USP38: variants seen among roughly 807,000 people sequenced by gnomAD.
USP38 encodes the protein ubiquitin carboxyl-terminal hydrolase 38.
Under a neutral mutation model 94.3 loss-of-function variants are expected in USP38, and 49 were observed. The observed-to-expected ratio is 0.52, with a 90% CI of 0.41 to 0.66. The LOEUF (loss-of-function observed/expected upper bound fraction) is 0.66. USP38 is among the 30% of genes least tolerant of loss of function. The pLI, the probability that USP38 is intolerant of heterozygous loss-of-function variation, is 0.00. For synonymous variants in USP38, 468 were observed against 463.6 expected, an observed-to-expected ratio of 1.01 and a Z score of -0.12; for missense variants, 1,128 against 1,229.4, an observed-to-expected ratio of 0.92 and a Z score of 1.23.
At chr4:143,195,353 T>TA (rs1448649100) in intron 2 of USP38, among the ~76,000 whole-genome samples, 32 of 152,304 alleles carry the variant, frequency 2.1e-4, no homozygotes, top group African/African-American at 7.5e-4. Flanking sequence ...AGCCAGTAAA[T>TA]ATGTAATGCA....
rs866300738 is a variant in USP38, at chr4:143,185,207, C to T, written c.-244C>T. 3 of 459,676 alleles carry T rather than the reference C, an allele frequency of 6.5e-6. No homozygotes were observed. The highest frequency in any genetic ancestry group is 3.5e-5 in the South Asian group (1 of 28,718). The allele number at this position is 459,676 out of a possible 1,614,324, so 28.5% of individuals were successfully genotyped here. A position where few individuals can be genotyped will look rare whatever the true frequency, so the allele number is the denominator to read the frequency against. On this transcript the variant is annotated 5_prime_UTR_variant, in exon 1 of 10. Transcript: ENST00000307017. ...CGGGGCGGCGGCGGAGTACGGGCCT[C>T]TGGCGCCTTAGGCCAGCCGCAGGTG...
rs768913524 is a variant in USP38, at chr4:143,185,684, C to T, written c.234C>T (p.Ser78=). The T allele has an allele frequency of 3.7e-6, 6 of 1,614,172 alleles. No homozygotes were observed. The highest frequency in any genetic ancestry group is 4.5e-5 in the East Asian group (2 of 44,864). The change falls in exon 1 of 10, where the codon TCC becomes TCT. Residue 78 remains serine, a synonymous_variant. Transcript: ENST00000307017. The part of the protein sequence containing the change: ...YARYHRPEFE[S]FFNKTFVLGL... Reference sequence around the variant, plus strand: ...GATACCACCGGCCAGAGTTCGAGTCCTTCTTCAACAAGACCTTCGTGTTGG... The same window carrying T: ...GATACCACCGGCCAGAGTTCGAGTCTTTCTTCAACAAGACCTTCGTGTTGG...
At chr4:143,204,758 C>T (rs549246098) in intron 5 of USP38, among the ~76,000 whole-genome samples, 2 of 152,252 alleles carry the variant, frequency 1.3e-5, no homozygotes, top group South Asian at 4.2e-4. Context: ...ACTGCATAAT[C>T]AGTGTATAGC....
chr4:143,216,374 C>T (rs1393028998), intron 9 of USP38, among the ~76,000 whole-genome samples: 1 of 151,960 alleles, frequency 6.6e-6, no homozygotes, highest in African/African-American at 2.4e-5. Context: ...AAGATACCAC[C>T]AAATTTTATA....
At chr4:143,213,065 A>T (rs1732070786) in intron 8 of USP38, among the ~76,000 whole-genome samples, 1 of 151,786 alleles carries the variant, frequency 6.6e-6, no homozygotes, top group South Asian at 2.1e-4. Flanking sequence ...TTTAAGAACC[A>T]CTCCTTTAGA....
intron 4 of USP38, among the ~76,000 whole-genome samples, chr4:143,198,585 A>G (rs1731622227): frequency 6.6e-6 from 1 of 152,208 alleles, no homozygotes; most frequent in African/African-American, 2.4e-5. Flanking sequence ...GAAAAATCTT[A>G]GGAATACTGA....
In USP38 at chr4:143,185,482, C is replaced by T. The variant is rs1731188748; in HGVS notation, c.32C>T (p.Ser11Phe). The change falls in exon 1 of 10, where the codon TCC (serine) becomes TTC (phenylalanine). Residue 11 changes from serine (S) to phenylalanine (F), a missense_variant. By Grantham distance (155) the Ser-to-Phe change is radical. Coordinates refer to ENST00000307017, the MANE Select transcript of USP38 (RefSeq NM_032557.6). ...AAGATCCTGGAGGGCCTTGTGAGTT[C>T]CTCGCATCCCCTGCCCCTCAAGCGG... The part of the protein sequence containing the change: MDKILEGLVS[S>F]SHPLPLKRVI... The T allele has an allele frequency of 1.2e-6, 2 of 1,601,902 alleles. No individual in the cohort carries two copies. Among genetic ancestry groups the T allele is most frequent in the Admixed American group, 1.7e-5 (1 of 59,290 alleles).
intron 5 of USP38, 150 bp from the exon 6 acceptor site, chr4:143,205,883 G>T: frequency 1.9e-6 from 1 of 517,134 alleles, no homozygotes; most frequent in Non-Finnish European, 3.3e-6. Flanking sequence ...TTCATGACTA[G>T]CCAAGTACTG....
chr4:143,206,644 C>T (rs190150067), intron 6 of USP38, among the ~76,000 whole-genome samples: 16 of 152,098 alleles, frequency 1.1e-4, no homozygotes, highest in Non-Finnish European at 2.1e-4. Context: ...GAGCCAAGAT[C>T]GTGCTGTTGC....
rs548475860 is a variant in USP38, at chr4:143,208,851, T to A, written c.1404-713T>A. ...CTTTACCCTCTAAATTTCTTGTTTC[T>A]TTATTTTAAGTACTTCAGTAGTTTT... is the stretch of plus-strand genomic sequence containing the variant. On this transcript the variant is annotated intron_variant, in intron 6 of 9. Transcript: ENST00000307017. Among the ~76,000 whole-genome samples, 495 of 152,154 alleles carry A rather than the reference T, an allele frequency of 3.3e-3. 2 individuals carry two copies. Among genetic ancestry groups the A allele is most frequent in the African/African-American group, 0.011 (467 of 41,594 alleles).
chr4:143,213,477 A>G (rs1179033838), intron 8 of USP38, 104 bp from the exon 9 acceptor site: 35 of 1,232,246 alleles, frequency 2.8e-5, no homozygotes, highest in Non-Finnish European at 3.7e-5. Context: ...ATTTGTTTAC[A>G]TTAAATTTGA....
chr4:143,199,984 A>C (rs1731664414), intron 4 of USP38, among the ~76,000 whole-genome samples: 1 of 152,090 alleles, frequency 6.6e-6, no homozygotes, highest in Non-Finnish European at 1.5e-5. Flanking sequence ...GTTTAATTAG[A>C]TCCCGTTTGT....
At chr4:143,203,771 T>C (rs919427796) in intron 5 of USP38, among the ~76,000 whole-genome samples, 1 of 152,228 alleles carries the variant, frequency 6.6e-6, no homozygotes, top group Admixed American at 6.5e-5. Context: ...TCTTTATTTC[T>C]GCAGTGTCAT....
intron 2 of USP38, among the ~76,000 whole-genome samples, chr4:143,189,989 C>A (rs1369144386): frequency 1.3e-5 from 2 of 151,982 alleles, no homozygotes; most frequent in Non-Finnish European, 2.9e-5. Flanking sequence ...TAGTTGACTT[C>A]CAAGTCTTTA....
In USP38 at chr4:143,192,740, G is replaced by A. The variant is rs189994057; in HGVS notation, c.819-2976G>A. On this transcript the variant is annotated intron_variant, in intron 2 of 9. Transcript: ENST00000307017. ...CACCTCTTAATGCCAACACACTGGG[G>A]ATTAGATTTTAACATACGAATTTTG... 2.0e-5 allele frequency among the ~76,000 whole-genome samples: 3 copies of A among 151,984 alleles called. No individual in the cohort carries two copies. In the East Asian group the frequency reaches 5.8e-4, roughly 29 times the overall value.
At chr4:143,189,293 AT>A (rs1731325821) in intron 2 of USP38, among the ~76,000 whole-genome samples, 1 of 151,468 alleles carries the variant, frequency 6.6e-6, no homozygotes, top group Non-Finnish European at 1.5e-5. Context: ...TTCAATGACT[AT>A]TTTTTTCTAA....
intron 2 of USP38, among the ~76,000 whole-genome samples, chr4:143,193,061 A>G (rs1731443862): frequency 6.6e-6 from 1 of 152,148 alleles, no homozygotes; most frequent in African/African-American, 2.4e-5. Flanking sequence ...TTCTGCTCTG[A>G]CAGTGTGACT....
At chr4:143,206,535 C>A (rs1256416791) in intron 6 of USP38, among the ~76,000 whole-genome samples, 1 of 151,932 alleles carries the variant, frequency 6.6e-6, no homozygotes. Context: ...ACTAAAAATA[C>A]CAAAATTAGC....
At chr4:143,219,355 G>A (rs779905438) in intron 9 of USP38, among the ~76,000 whole-genome samples, 2 of 152,074 alleles carry the variant, frequency 1.3e-5, no homozygotes, top group Non-Finnish European at 2.9e-5. Flanking sequence ...AGCATTTTGT[G>A]AAGAGGGAAG....
Sources: gnomAD v4.1 joint callset for allele counts (sites outside exome capture counted in the v4.1 genomes callset) on GRCh38, gnomAD v4.1.1 for gene constraint, MANE v1.5 for transcripts, NCBI Gene and HGNC (gene_info 2026-07-23, HGNC 2026-07-21) for gene names.